SNCB: variants seen among roughly 807,000 people sequenced by gnomAD.
SNCB encodes synuclein beta.
In SNCB, 8 loss-of-function variants were observed where a neutral mutation model predicts 20.0. The ratio of observed to expected loss-of-function variants is 0.40; its 90% confidence interval spans 0.24 to 0.72. The LOEUF (loss-of-function observed/expected upper bound fraction) is 0.72, where lower values mean the gene tolerates loss of function less well. SNCB is among the 30% of genes least tolerant of loss of function. SNCB has a pLI of 0.37. For synonymous variants in SNCB, 56 were observed against 65.4 expected (o/e 0.86, Z 0.69); for missense variants, 125 against 168.0 (o/e 0.74, Z 1.41).
In SNCB at chr5:176,629,690, G is replaced by T. The variant is rs750155060; in HGVS notation, c.-9-27C>A. 1.9e-6 allele frequency: 3 copies of T among 1,608,242 alleles called. No individual in the cohort carries two copies. The highest frequency in any genetic ancestry group is 2.5e-6 in the Non-Finnish European group (3 of 1,176,682). On this transcript the variant is annotated intron_variant, in intron 1 of 5. Coordinates refer to ENST00000393693, the MANE Select transcript of SNCB (RefSeq NM_003085.5). This position sits in a 1 kb window ranked among gnomAD's most constrained non-coding sequence, Gnocchi z 4.1. ...TGGGGAGGGCGATACACGGGCACCGGTGCACTGGCCCCGCACTCTCACCCC... is the reference window on the plus strand; with the variant it reads ...TGGGGAGGGCGATACACGGGCACCGTTGCACTGGCCCCGCACTCTCACCCC...
intron 4 of SNCB, among the ~76,000 whole-genome samples, chr5:176,623,746 T>C (rs1759759259): frequency 6.6e-6 from 1 of 152,022 alleles, no homozygotes. Context: ...ACCCATAGCC[T>C]GTAATCCCAG....
intron 2 of SNCB, among the ~76,000 whole-genome samples, chr5:176,628,994 C>T (rs1240967997): frequency 1.3e-5 from 2 of 152,060 alleles, no homozygotes; most frequent in South Asian, 2.1e-4. Flanking sequence ...CAACTCAACT[C>T]GGCCTTGGAG....
chr5:176,624,670 C>CG (rs1363254231), intron 4 of SNCB, among the ~76,000 whole-genome samples: 1 of 151,910 alleles, frequency 6.6e-6, no homozygotes, highest in African/African-American at 2.4e-5. Context: ...GGTGTGGTAG[C>CG]GGGTGCCTGT....
chr5:176,629,985 T>C lies in SNCB; in HGVS notation c.-10+295A>G. On this transcript the variant is annotated intron_variant, in intron 1 of 5. Coordinates refer to ENST00000393693, the MANE Select transcript of SNCB (RefSeq NM_003085.5). This position sits in a 1 kb window ranked among gnomAD's most constrained non-coding sequence, Gnocchi z 4.1. The stretch of plus-strand genomic sequence containing the variant: ...ACCCGCCTGTACACGCACGGCACAG[T>C]CACACGGTCATGCACACAAACATAC... 3.3e-6 allele frequency: 1 copy of C among 301,046 alleles called. No individual in the cohort carries two copies. The allele number at this position is 301,046 out of a possible 1,614,324, so 18.6% of individuals were successfully genotyped here.
Position 176,626,290 on chromosome 5 carries a change from C to G in SNCB, c.282+108G>C. On this transcript the variant is annotated intron_variant, in intron 4 of 5. Transcript: ENST00000393693. This position sits in a 1 kb window ranked among gnomAD's most constrained non-coding sequence, Gnocchi z 4.2. ...AGTGGCTTGTGTTCCAAGCTGGTGG[C>G]AGGATTAGGGGGGCGGGGATGGTGA... The G allele has an allele frequency of 1.2e-6, 1 of 863,894 alleles. No individual in the cohort carries two copies. Among genetic ancestry groups the G allele is most frequent in the South Asian group, 1.3e-5 (1 of 75,820 alleles). The allele number at this position is 863,894 out of a possible 1,614,324, so 53.5% of individuals were successfully genotyped here.
chr5:176,629,418 C>T lies in SNCB; in HGVS notation c.121+116G>A, dbSNP rs187527644. The T allele has an allele frequency of 1.1e-4, 121 of 1,141,604 alleles. 1 individual carries two copies. In the Middle Eastern group the frequency reaches 2.4e-3, roughly 22 times the overall value. The allele number at this position is 1,141,604 out of a possible 1,614,324, so 70.7% of individuals were successfully genotyped here. ...CCTATGACCCCTGCTGACCTCGCCC[C>T]ATCTGCTGACTCATATTCTCCTGCC... On this transcript the variant is annotated intron_variant, in intron 2 of 5. Transcript: ENST00000393693. The surrounding 1 kb of genome is among the most constrained non-coding windows in gnomAD (Gnocchi z 4.1).
chr5:176,621,330 T>A lies in SNCB; in HGVS notation c.283-27A>T. ...TGTGGGCAGAAAAGGTCAGGACTCG[T>A]GAGGACAGCCAGGATGCCCCCCAAA... is the stretch of plus-strand genomic sequence containing the variant. On this transcript the variant is annotated intron_variant, in intron 4 of 5. Coordinates refer to ENST00000393693, the MANE Select transcript of SNCB (RefSeq NM_003085.5). This position sits in a 1 kb window ranked among gnomAD's most constrained non-coding sequence, Gnocchi z 4.1. The A allele has an allele frequency of 6.3e-7, 1 of 1,592,462 alleles. No individual in the cohort carries two copies. The highest frequency in any genetic ancestry group is 8.6e-7 in the Non-Finnish European group (1 of 1,164,886).
At position 176,621,294 on chromosome 5, in the gene SNCB, C is replaced by G. The variant is rs1267202987; in HGVS notation, c.292G>C (p.Val98Leu). 1 of 1,613,242 alleles carries G rather than the reference C, an allele frequency of 6.2e-7. No individual in the cohort carries two copies. The highest frequency in any genetic ancestry group is 8.5e-7 in the Non-Finnish European group (1 of 1,179,710). Residue 98 changes from valine (V) to leucine (L), a missense_variant, in exon 5 of 6, where the codon GTG (valine) becomes CTG (leucine). By Grantham distance (32) the Val-to-Leu change is conservative. Transcript: ENST00000393693. This position sits in a 1 kb window ranked among gnomAD's most constrained non-coding sequence, Gnocchi z 4.1. The part of the protein sequence containing the change: ...EFPTDLKPEE[V>L]AQEAAEEPLI... ...GGTTCTTCAGCAGCTTCCTGGGCCA[C>G]TTCCTCTGGCTGTGGGCAGAAAAGG...
At position 176,629,495 on chromosome 5, in the gene SNCB, C is replaced by T. The variant is rs1192408599; in HGVS notation, c.121+39G>A. The T allele has an allele frequency of 1.2e-6, 2 of 1,607,176 alleles. No homozygotes were observed. The highest frequency in any genetic ancestry group is 1.7e-5 in the Admixed American group (1 of 59,658). On this transcript the variant is annotated intron_variant, in intron 2 of 5. Transcript: ENST00000393693. This position sits in a 1 kb window ranked among gnomAD's most constrained non-coding sequence, Gnocchi z 4.1. ...CCCAGCTCCACACTGTCGGGGGACCCCCAGCCCTGCAGCCCCAGAAACCCC... is the reference window on the plus strand; with the variant it reads ...CCCAGCTCCACACTGTCGGGGGACCTCCAGCCCTGCAGCCCCAGAAACCCC...
Position 176,620,722 on chromosome 5 carries a change from GAGA to G in SNCB, c.*86_*88del. On this transcript the variant is annotated 3_prime_UTR_variant, in exon 6 of 6. Coordinates refer to ENST00000393693, the MANE Select transcript of SNCB (RefSeq NM_003085.5). This position sits in a 1 kb window ranked among gnomAD's most constrained non-coding sequence, Gnocchi z 4.5. The stretch of plus-strand genomic sequence containing the variant: ...GCGGAAGGAAGATCTCGTGATTGGG[GAGA>G]AGGAGTCTAAGGACAGCCCTGGCTC... 6 of 889,024 alleles carry G rather than the reference GAGA, an allele frequency of 6.7e-6. No individual in the cohort carries two copies. Among genetic ancestry groups the G allele is most frequent in the African/African-American group, 3.3e-5 (2 of 61,056 alleles). The allele number at this position is 889,024 out of a possible 1,614,324, so 55.1% of individuals were successfully genotyped here. A position where few individuals can be genotyped will look rare whatever the true frequency, so the allele number is the denominator to read the frequency against.
chr5:176,626,308 G>A lies in SNCB; in HGVS notation c.282+90C>T. ...CTGGTGGCAGGATTAGGGGGGCGGG[G>A]ATGGTGACAGGTTTATTTGTGTGCC... On this transcript the variant is annotated intron_variant, in intron 4 of 5. Transcript: ENST00000393693. The surrounding 1 kb of genome is among the most constrained non-coding windows in gnomAD (Gnocchi z 4.2). 1.0e-6 allele frequency: 1 copy of A among 956,796 alleles called. No homozygotes were observed. The highest frequency in any genetic ancestry group is 1.3e-5 in the South Asian group (1 of 77,950). 59.3% of individuals were successfully genotyped at this position (956,796 alleles called of 1,614,324 possible).
In SNCB at chr5:176,626,900, C is replaced by T; in HGVS notation, c.122-139G>A. On this transcript the variant is annotated intron_variant, in intron 2 of 5. Transcript: ENST00000393693. The surrounding 1 kb of genome is among the most constrained non-coding windows in gnomAD (Gnocchi z 4.2). ...TCCCCACATCCTACAACCTGCACCC[C>T]CATGTTAACCCCCGTCTTATCACTG... 1.2e-6 allele frequency: 1 copy of T among 842,890 alleles called. No homozygotes were observed. Among genetic ancestry groups the T allele is most frequent in the East Asian group, 2.5e-5 (1 of 39,868 alleles). 52.2% of individuals were successfully genotyped at this position (842,890 alleles called of 1,614,324 possible). A position where few individuals can be genotyped will look rare whatever the true frequency, so the allele number is the denominator to read the frequency against.
At position 176,629,658 on chromosome 5, in the gene SNCB, G is replaced by C. The variant is rs776622242; in HGVS notation, c.-4C>G. 1.2e-6 allele frequency: 2 copies of C among 1,612,968 alleles called. No individual in the cohort carries two copies. The highest frequency in any genetic ancestry group is 3.3e-5 in the Admixed American group (2 of 59,960). On this transcript the variant is annotated 5_prime_UTR_variant, in exon 2 of 6. Coordinates refer to ENST00000393693, the MANE Select transcript of SNCB (RefSeq NM_003085.5). This position sits in a 1 kb window ranked among gnomAD's most constrained non-coding sequence, Gnocchi z 4.1. Reference sequence around the variant, plus strand: ...GGCCCTTCATGAACACGTCCATCCTGGCGGCCTGGGGAGGGCGATACACGG... The same window carrying C: ...GGCCCTTCATGAACACGTCCATCCTCGCGGCCTGGGGAGGGCGATACACGG...
Position 176,629,618 on chromosome 5 carries a change from C to G in SNCB, c.37G>C (p.Glu13Gln), listed in dbSNP as rs1169250840. 1.9e-6 allele frequency: 3 copies of G among 1,613,806 alleles called. No homozygotes were observed. Among genetic ancestry groups the G allele is most frequent in the Non-Finnish European group, 2.5e-6 (3 of 1,179,936 alleles). ...TTCTCCGCGGCTGCCACAACGCCCT[C>G]CTTGGCCATGGACAGGCCCTTCATG... ...VFMKGLSMAK[E>Q]GVVAAAEKTK... Residue 13 changes from glutamate to glutamine, a missense_variant, in exon 2 of 6, where the codon GAG (glutamate) becomes CAG (glutamine). By Grantham distance (29) the Glu-to-Gln change is conservative (BLOSUM62 2). Coordinates refer to ENST00000393693, the MANE Select transcript of SNCB (RefSeq NM_003085.5). This position sits in a 1 kb window ranked among gnomAD's most constrained non-coding sequence, Gnocchi z 4.1.
chr5:176,624,243 G>C (rs1759789140), intron 4 of SNCB, among the ~76,000 whole-genome samples: 1 of 152,202 alleles, frequency 6.6e-6, no homozygotes, highest in African/African-American at 2.4e-5. Context: ...CTGGCCCTGT[G>C]CCATCACCAA....
rs76368019 is a variant in SNCB, at chr5:176,620,954, C to G, written c.373-111G>C. The G allele has an allele frequency of 4.1e-6, 4 of 973,240 alleles. No homozygotes were observed. In the African/African-American group the frequency reaches 6.4e-5, roughly 16 times the overall value. 60.3% of individuals were successfully genotyped at this position (973,240 alleles called of 1,614,324 possible). On this transcript the variant is annotated intron_variant, in intron 5 of 5. Transcript: ENST00000393693. The surrounding 1 kb of genome is among the most constrained non-coding windows in gnomAD (Gnocchi z 4.5). ...CCCTCTCCCTGAAGGAGGAATAGCA[C>G]ATTCCCCTTTTCCTGGGCAGGGGAG... is the stretch of plus-strand genomic sequence containing the variant.
At position 176,621,480 on chromosome 5, in the gene SNCB, G is replaced by A. The variant is rs887584875; in HGVS notation, c.283-177C>T. On this transcript the variant is annotated intron_variant, in intron 4 of 5. Coordinates refer to ENST00000393693, the MANE Select transcript of SNCB (RefSeq NM_003085.5). The surrounding 1 kb of genome is among the most constrained non-coding windows in gnomAD (Gnocchi z 4.1). The stretch of plus-strand genomic sequence containing the variant: ...CTTGGAAGTGGGATGGAGGTGAAGG[G>A]GGAAATTCCCCCGAATCACAGTTGA... 6.6e-6 allele frequency among the ~76,000 whole-genome samples: 1 copy of A among 152,204 alleles called. No individual in the cohort carries two copies. Among genetic ancestry groups the A allele is most frequent in the Admixed American group, 6.5e-5 (1 of 15,284 alleles).
chr5:176,626,255 T>C lies in SNCB; in HGVS notation c.282+143A>G. 1 of 764,268 alleles carries C rather than the reference T, an allele frequency of 1.3e-6. No homozygotes were observed. The highest frequency in any genetic ancestry group is 1.4e-5 in the South Asian group (1 of 73,048). The allele number at this position is 764,268 out of a possible 1,614,324, so 47.3% of individuals were successfully genotyped here. ...CTGAGTCTAGCACGGGCCTGCAGGA[T>C]GGGAGGCAAAGTGGCTTGTGTTCCA... On this transcript the variant is annotated intron_variant, in intron 4 of 5. Transcript: ENST00000393693. The surrounding 1 kb of genome is among the most constrained non-coding windows in gnomAD (Gnocchi z 4.2).
Position 176,626,855 on chromosome 5 carries a change from C to T in SNCB, c.122-94G>A. On this transcript the variant is annotated intron_variant, in intron 2 of 5. Transcript: ENST00000393693. This position sits in a 1 kb window ranked among gnomAD's most constrained non-coding sequence, Gnocchi z 4.2. ...GTGATTACAGAGTGGGCATCCTGGCCCCGTCACTGCCTCCTTGGGTCCCCA... is the reference window on the plus strand; with the variant it reads ...GTGATTACAGAGTGGGCATCCTGGCTCCGTCACTGCCTCCTTGGGTCCCCA... The T allele has an allele frequency of 7.7e-7, 1 of 1,305,124 alleles. No individual in the cohort carries two copies. The highest frequency in any genetic ancestry group is 1.1e-6 in the Non-Finnish European group (1 of 900,332). 80.8% of individuals were successfully genotyped at this position (1,305,124 alleles called of 1,614,324 possible).
Sources: allele counts gnomAD v4.1 joint callset (sites outside exome capture counted in the v4.1 genomes callset), GRCh38; gene constraint gnomAD v4.1.1; non-coding constraint Gnocchi (gnomAD v3.1); transcripts MANE v1.5; gene names NCBI Gene and HGNC (gene_info 2026-07-23, HGNC 2026-07-21).